RAD51B: variants seen among roughly 807,000 people sequenced by gnomAD.
The protein encoded by RAD51B is DNA repair protein RAD51 homolog 2.
Under a neutral mutation model 42.2 loss-of-function variants are expected in RAD51B, and 38 were observed. The ratio of observed to expected loss-of-function variants is 0.90; its 90% CI spans 0.70 to 1.18. The LOEUF (loss-of-function observed/expected upper bound fraction) is 1.18, where lower values mean the gene tolerates loss of function less well. Ranked by LOEUF, RAD51B falls within the 50% of genes most tolerant of loss-of-function variation. The probability of loss-of-function intolerance (pLI) is 0.00; values close to 1 mark genes in which losing one functional copy is unlikely to be tolerated. For synonymous variants in RAD51B, 154 were observed against 145.2 expected, an observed-to-expected ratio of 1.06 and a Z score of -0.43; for missense variants, 373 against 400.7, an observed-to-expected ratio of 0.93 and a Z score of 0.59.
chr14:68,232,481 T>C (rs2080168246), intron 7 of RAD51B, among the ~76,000 whole-genome samples: 1 of 152,170 alleles, frequency 6.6e-6, no homozygotes, highest in South Asian at 2.1e-4. Context: ...CTGTGCTAGG[T>C]GCATTGCATA....
chr14:68,439,741 CT>C (rs2085239945), intron 9 of RAD51B, among the ~76,000 whole-genome samples: 1 of 152,218 alleles, frequency 6.6e-6, no homozygotes, highest in African/African-American at 2.4e-5. Context: ...TTTTCCAAAA[CT>C]TTCCAGATGT....
chr14:68,205,018 C>A (rs2079558149), intron 7 of RAD51B, among the ~76,000 whole-genome samples: 1 of 152,122 alleles, frequency 6.6e-6, no homozygotes, highest in South Asian at 2.1e-4. Flanking sequence ...ATAAAAAAAT[C>A]AGACAGGATA....
intron 7 of RAD51B, among the ~76,000 whole-genome samples, chr14:68,214,293 A>ACTCTAGCAGG (rs1451910073): frequency 6.6e-6 from 1 of 152,026 alleles, no homozygotes; most frequent in Non-Finnish European, 1.5e-5. Flanking sequence ...TCAAAATGTT[A>ACTCTAGCAGG]CTCTAGCAGG....
intron 8 of RAD51B, among the ~76,000 whole-genome samples, chr14:68,309,055 A>G (rs2081921706): frequency 6.6e-6 from 1 of 152,158 alleles, no homozygotes; most frequent in Admixed American, 6.5e-5. Context: ...GCAACACTAC[A>G]CTATTTGATG....
chr14:68,020,759 T>C (rs2075850913), intron 7 of RAD51B, among the ~76,000 whole-genome samples: 3 of 152,244 alleles, frequency 2.0e-5, no homozygotes, highest in South Asian at 4.1e-4. Flanking sequence ...AAATTTTATG[T>C]ATACTTTACT....
intron 10 of RAD51B, among the ~76,000 whole-genome samples, chr14:68,580,320 C>T (rs972523187): frequency 1.3e-5 from 2 of 150,550 alleles, no homozygotes; most frequent in African/African-American, 5.0e-5. Flanking sequence ...GATCTCAGAG[C>T]TTAGCACACA....
intron 7 of RAD51B, among the ~76,000 whole-genome samples, chr14:67,912,598 T>C (rs775737447): frequency 9.2e-5 from 14 of 152,010 alleles, no homozygotes; most frequent in Non-Finnish European, 2.1e-4. Flanking sequence ...ATGAAGTAAA[T>C]TGTAAAAGTA....
chr14:68,501,569 G>T (rs1884920632), intron 10 of RAD51B, among the ~76,000 whole-genome samples: 1 of 151,888 alleles, frequency 6.6e-6, no homozygotes. Flanking sequence ...CCAAGCACAG[G>T]GTCAGCAGCA....
intron 5 of RAD51B, among the ~76,000 whole-genome samples, chr14:67,866,837 C>T (rs1364001860): frequency 2.6e-5 from 4 of 152,100 alleles, no homozygotes; most frequent in Non-Finnish European, 5.9e-5. Context: ...TCTTTTTCTG[C>T]CAATGTGCAT....
At chr14:68,410,735 A>T (rs564673396) in intron 8 of RAD51B, among the ~76,000 whole-genome samples, 4 of 152,306 alleles carry the variant, frequency 2.6e-5, no homozygotes, top group African/African-American at 9.6e-5. Context: ...TCTCATGGTG[A>T]TATCAAGAAG....
chr14:68,316,353 G>A (rs1595699606), intron 8 of RAD51B, among the ~76,000 whole-genome samples: 1 of 152,360 alleles, frequency 6.6e-6, no homozygotes, highest in Non-Finnish European at 1.5e-5. Context: ...TGCTGGTCAA[G>A]GAAGTGTTTT....
chr14:68,536,370 A>T (rs915645256), intron 10 of RAD51B, among the ~76,000 whole-genome samples: 1 of 152,236 alleles, frequency 6.6e-6, no homozygotes, highest in Non-Finnish European at 1.5e-5. Context: ...GATGTTTAAG[A>T]ATATATAAAA....
intron 7 of RAD51B, among the ~76,000 whole-genome samples, chr14:68,014,849 CAA>C (rs111996389): frequency 0.16 from 16,414 of 104,598 alleles, 1,178 homozygotes; most frequent in Middle Eastern, 0.35. Context: ...AGAATGAATG[CAA>C]AAAAAAAAAA....
At chr14:68,102,276 A>G (rs2077303778) in intron 7 of RAD51B, among the ~76,000 whole-genome samples, 1 of 151,906 alleles carries the variant, frequency 6.6e-6, no homozygotes, top group Non-Finnish European at 1.5e-5. Flanking sequence ...GTAACATTTG[A>G]CTCCTTGCTA....
chr14:68,540,723 G>C lies in RAD51B; in HGVS notation c.1037-53762G>C, dbSNP rs562543781. On this transcript the variant is annotated intron_variant, in intron 10 of 10. Transcript: ENST00000487270. Reference sequence around the variant, plus strand: ...GCCAACCAAAAGAAAGAGAGGGTGGGTTTAAGGGTAGTGAGGGACACTTTG... The same window carrying C: ...GCCAACCAAAAGAAAGAGAGGGTGGCTTTAAGGGTAGTGAGGGACACTTTG... 7.6e-5 allele frequency: 75 copies of C among 985,428 alleles called. No individual in the cohort carries two copies. The African/African-American group carries it at 1.2e-3, about 15-fold the overall frequency. 61.0% of individuals were successfully genotyped at this position (985,428 alleles called of 1,614,324 possible).
At chr14:68,595,310 C>A in exon 11 of RAD51B, 1 of 1,066,318 alleles carries the variant, frequency 9.4e-7, no homozygotes, top group Non-Finnish European at 1.1e-6. Context: ...TTTGCTGTTA[C>A]AATAAGCTTG....
At chr14:68,441,424 C>T (rs71425366) in intron 9 of RAD51B, among the ~76,000 whole-genome samples, 1 of 141,374 alleles carries the variant, frequency 7.1e-6, no homozygotes, top group African/African-American at 2.6e-5. Flanking sequence ...CACCTGTAGT[C>T]CCAGCTACTC....
chr14:68,086,626 G>C (rs768736543), intron 7 of RAD51B, among the ~76,000 whole-genome samples: 2 of 152,174 alleles, frequency 1.3e-5, no homozygotes, highest in Non-Finnish European at 2.9e-5. Flanking sequence ...GTCAAGGATA[G>C]AGGTTGATAC....
intron 7 of RAD51B, among the ~76,000 whole-genome samples, chr14:68,137,664 CA>C (rs2078038604): frequency 6.6e-6 from 1 of 152,038 alleles, no homozygotes; most frequent in Admixed American, 6.5e-5. Flanking sequence ...TTCATTGGGG[CA>C]AAAAGGTATG....
Sources: gnomAD v4.1 joint callset for allele counts (sites outside exome capture counted in the v4.1 genomes callset) on GRCh38, gnomAD v4.1.1 for gene constraint, MANE v1.5 for transcripts, NCBI Gene and HGNC (gene_info 2026-07-23, HGNC 2026-07-21) for gene names.